Variants in KATNAL1 observed in about 807,000 individuals in gnomAD.
KATNAL1 encodes katanin catalytic subunit A1 like 1.
Under a neutral mutation model 55.2 loss-of-function variants are expected in KATNAL1, and 32 were observed. That is an observed-to-expected ratio of 0.58 (90% CI 0.44 to 0.78). KATNAL1 has a LOEUF of 0.78. Ranked by LOEUF, KATNAL1 falls within the 30% of genes least tolerant of loss-of-function variation. The pLI is 0.00. For missense variants in KATNAL1, 466 were observed against 600.9 expected (o/e 0.78, Z 2.35); for synonymous variants, 193 against 193.6 (o/e 1.00, Z 0.02).
chr13:30,294,790 G>A (rs573476221), intron 1 of KATNAL1, among the ~76,000 whole-genome samples: 1 of 152,300 alleles, frequency 6.6e-6, no homozygotes, highest in East Asian at 1.9e-4. Flanking sequence ...TCGTGTCAGG[G>A]GCTGATTTAG....
In KATNAL1 at chr13:30,207,904, A is replaced by C. The variant is rs1873297607; in HGVS notation, c.*636T>G. On this transcript the variant is annotated 3_prime_UTR_variant, in exon 11 of 11. Transcript: ENST00000380615. ...CTAAAGACAGAGAAATGACCTGGCA[A>C]AATGATTCAAATACCACAGAGCGTG... is the stretch of plus-strand genomic sequence containing the variant. 6.6e-6 allele frequency: 1 copy of C among 152,250 alleles called. No homozygotes were observed. The highest frequency in any genetic ancestry group is 1.5e-5 in the Non-Finnish European group (1 of 68,052). 9.4% of individuals were successfully genotyped at this position (152,250 alleles called of 1,614,324 possible). A position where few individuals can be genotyped will look rare whatever the true frequency, so the allele number is the denominator to read the frequency against.
chr13:30,286,289 C>T (rs1406619540), intron 1 of KATNAL1, among the ~76,000 whole-genome samples: 1 of 152,174 alleles, frequency 6.6e-6, no homozygotes, highest in African/African-American at 2.4e-5. Context: ...GCCCAGAGGC[C>T]TAAGAGGGAA....
intron 3 of KATNAL1, among the ~76,000 whole-genome samples, chr13:30,259,418 C>T (rs973654686): frequency 3.3e-5 from 5 of 151,970 alleles, no homozygotes; most frequent in African/African-American, 7.3e-5. Flanking sequence ...CCAGTGTGAG[C>T]GACGCAAAAG....
At chr13:30,255,783 A>T (rs1878733066) in intron 3 of KATNAL1, among the ~76,000 whole-genome samples, 168 bp from the exon 4 acceptor site, 1 of 152,036 alleles carries the variant, frequency 6.6e-6, no homozygotes, top group African/African-American at 2.4e-5. Flanking sequence ...AGTTTTCCCA[A>T]ATTCTTTTTT....
rs181857592 is a variant in KATNAL1 at position 30,219,705 on chromosome 13, A to G, written c.1147+7707T>C. Among the ~76,000 whole-genome samples the G allele has an allele frequency of 2.6e-5, 4 of 152,326 alleles. No homozygotes were observed. The East Asian group carries it at 5.8e-4, about 22-fold the overall frequency. ...TGGTTTGGGAGCCCCTTGGGGAAAA[A>G]GCATTTCCCAGGTTTCATGATCATA... On this transcript the variant is annotated intron_variant, in intron 9 of 10. Transcript: ENST00000380615.
chr13:30,297,155 A>G (rs1421719500), intron 1 of KATNAL1, among the ~76,000 whole-genome samples: 1 of 151,774 alleles, frequency 6.6e-6, no homozygotes. Flanking sequence ...AAAAAAAAAA[A>G]AAAGAAAAAA....
chr13:30,208,525 A>T lies in KATNAL1; in HGVS notation c.*15T>A. On this transcript the variant is annotated 3_prime_UTR_variant, in exon 11 of 11. Transcript: ENST00000380615. ...TATCAACAAAAATACCAGAAATTAA[A>T]GAGCTGACAGAAATTCAAGCAGATC... is the stretch of plus-strand genomic sequence containing the variant. 1.4e-6 allele frequency: 2 copies of T among 1,480,504 alleles called. No individual in the cohort carries two copies. Among genetic ancestry groups the T allele is most frequent in the Non-Finnish European group, 1.8e-6 (2 of 1,107,630 alleles). The allele number at this position is 1,480,504 out of a possible 1,614,324, so 91.7% of individuals were successfully genotyped here. A position where few individuals can be genotyped will look rare whatever the true frequency, so the allele number is the denominator to read the frequency against.
intron 1 of KATNAL1, among the ~76,000 whole-genome samples, chr13:30,286,415 C>T (rs1881792252): frequency 6.6e-6 from 1 of 152,270 alleles, no homozygotes; most frequent in African/African-American, 2.4e-5. Flanking sequence ...ACAACTCAGG[C>T]CATGGCTTCA....
chr13:30,230,330 C>T (rs986182638), intron 8 of KATNAL1, 138 bp downstream of exon 8: 4 of 687,596 alleles, frequency 5.8e-6, no homozygotes, highest in Admixed American at 6.4e-5. Flanking sequence ...TTTCTGAGTG[C>T]ATGAACAAAT....
chr13:30,254,357 T>C (rs1003013508), intron 4 of KATNAL1, among the ~76,000 whole-genome samples: 4 of 152,212 alleles, frequency 2.6e-5, no homozygotes, highest in African/African-American at 9.6e-5. Flanking sequence ...TAGAATCACT[T>C]GCTGTTTCAT....
At chr13:30,253,206 C>A (rs1327216606) in intron 4 of KATNAL1, among the ~76,000 whole-genome samples, 1 of 152,150 alleles carries the variant, frequency 6.6e-6, no homozygotes. Flanking sequence ...GTCAAATATA[C>A]CTTTCAAAGG....
chr13:30,217,327 A>G (rs1468678719), intron 9 of KATNAL1, among the ~76,000 whole-genome samples: 1 of 152,092 alleles, frequency 6.6e-6, no homozygotes, highest in Non-Finnish European at 1.5e-5. Flanking sequence ...GGTGGCGGAC[A>G]ACTGTAATCC....
At chr13:30,300,089 A>G (rs571024774) in intron 1 of KATNAL1, among the ~76,000 whole-genome samples, 1 of 152,304 alleles carries the variant, frequency 6.6e-6, no homozygotes, top group East Asian at 1.9e-4. Context: ...CCAGAACCCA[A>G]TCCCACCAGG....
At chr13:30,232,019 T>TATC (rs1479385899) in intron 6 of KATNAL1, among the ~76,000 whole-genome samples, 2 of 152,216 alleles carry the variant, frequency 1.3e-5, no homozygotes, top group African/African-American at 2.4e-5. Flanking sequence ...GCAAGATTTG[T>TATC]ATCATTTTAA....
chr13:30,257,770 G>A (rs1593899320), intron 3 of KATNAL1, among the ~76,000 whole-genome samples: 2 of 151,464 alleles, frequency 1.3e-5, no homozygotes, highest in South Asian at 4.1e-4. Context: ...TAAATAGTCT[G>A]AGTGAAACTG....
intron 9 of KATNAL1, among the ~76,000 whole-genome samples, chr13:30,224,168 AT>A (rs1285551079): frequency 2.0e-5 from 3 of 152,196 alleles, no homozygotes; most frequent in Non-Finnish European, 4.4e-5. Context: ...AGTAGAAAAA[AT>A]ATGATATAGC....
chr13:30,283,768 C>A lies in KATNAL1; in HGVS notation c.10G>T (p.Ala4Ser). The A allele has an allele frequency of 6.2e-7, 1 of 1,606,486 alleles. No individual in the cohort carries two copies. The highest frequency in any genetic ancestry group is 1.1e-5 in the South Asian group (1 of 89,380). MNL[A>S]EICDNAKKGR... is the part of the protein sequence containing the mutation. The stretch of plus-strand genomic sequence containing the variant: ...TTCTTTGCATTATCACAAATCTCAG[C>A]CAAATTCATCTTCTTTCAGAGACCT... Residue 4 changes from alanine to serine, a missense_variant, in exon 2 of 11, where the codon GCT (alanine) becomes TCT (serine). Around this residue, in one of 3 missense-constraint regions of KATNAL1, gnomAD observed 248 missense variants for 275.5 expected, o/e 0.90. Transcript: ENST00000380615.
intron 1 of KATNAL1, among the ~76,000 whole-genome samples, chr13:30,289,780 T>C: frequency 6.6e-6 from 1 of 152,210 alleles, no homozygotes; most frequent in African/African-American, 2.4e-5. Flanking sequence ...CACAGTGATA[T>C]GCATGGCACT....
intron 2 of KATNAL1, chr13:30,281,908 T>C (rs553947752): frequency 4.6e-4 from 70 of 152,308 alleles, no homozygotes; most frequent in African/African-American, 1.7e-3. Flanking sequence ...TACGTTGTTT[T>C]AGTATAACAG....
Sources: allele counts gnomAD v4.1 joint callset (sites outside exome capture counted in the v4.1 genomes callset), GRCh38; gene constraint gnomAD v4.1.1; regional missense constraint gnomAD v4.1.1; transcripts MANE v1.5; gene names NCBI Gene and HGNC (gene_info 2026-07-23, HGNC 2026-07-21).